QTGAL: variants seen among roughly 807,000 people sequenced by gnomAD.
QTGAL encodes queuosine-tRNA galactosyltransferase, also known as BGnT-like protein 1.
the QTGAL span, chr17:83,014,614 G>T: frequency 7.2e-7 from 1 of 1,379,398 alleles, no homozygotes; most frequent in Non-Finnish European, 1.0e-6. Context: ...GGAGTGCAAC[G>T]GCACAATCAT....
chr17:82,957,606 C>T, the QTGAL span: 4 of 1,377,902 alleles, frequency 2.9e-6, no homozygotes, highest in South Asian at 4.3e-5. Context: ...GGAGTGGACA[C>T]CTGGCCCAAT....
At chr17:82,946,822 GGAAAT>G in the QTGAL span, 2 of 1,351,442 alleles carry the variant, frequency 1.5e-6, no homozygotes, top group Non-Finnish European at 2.1e-6. Flanking sequence ...AGAATGAAAA[GGAAAT>G]GAAACATAAT....
At chr17:83,037,359 C>A in the QTGAL span, among the ~76,000 whole-genome samples, 1 of 152,226 alleles carries the variant, frequency 6.6e-6, no homozygotes, top group African/African-American at 2.4e-5. This position sits in a 1 kb window ranked among gnomAD's most constrained non-coding sequence, Gnocchi z 5.2. Flanking sequence ...ACCCTCTCTG[C>A]GTTCTCCAAC....
At chr17:83,019,453 G>T in the QTGAL span, among the ~76,000 whole-genome samples, 1 of 152,172 alleles carries the variant, frequency 6.6e-6, no homozygotes, top group African/African-American at 2.4e-5. Flanking sequence ...GTCATGAAAG[G>T]ACAAATATTG....
the QTGAL span, chr17:82,947,252 C>T: frequency 4.2e-6 from 2 of 471,524 alleles, no homozygotes; most frequent in Non-Finnish European, 7.6e-6. Flanking sequence ...CTGACTCTCC[C>T]TGGGGGCACT....
At chr17:82,989,627 T>C in the QTGAL span, among the ~76,000 whole-genome samples, 1 of 152,190 alleles carries the variant, frequency 6.6e-6, no homozygotes, top group African/African-American at 2.4e-5. Context: ...CTAAGGAAGT[T>C]TCAACGTTTT....
the QTGAL span, chr17:83,006,036 C>G: frequency 9.7e-7 from 1 of 1,027,074 alleles, no homozygotes; most frequent in Non-Finnish European, 1.2e-6. The surrounding 1 kb of genome is among the most constrained non-coding windows in gnomAD (Gnocchi z 5.8). Context: ...CCGTAGGAAA[C>G]AGCACCCACC....
the QTGAL span, chr17:82,978,574 G>T: frequency 6.6e-6 from 1 of 152,152 alleles, no homozygotes; most frequent in African/African-American, 2.4e-5. This position sits in a 1 kb window ranked among gnomAD's most constrained non-coding sequence, Gnocchi z 4.8. Context: ...CCGGATGCAG[G>T]TCTCATTTCC....
chr17:83,045,168 A>C, the QTGAL span, among the ~76,000 whole-genome samples: 37,170 of 152,140 alleles, frequency 0.24, 4,846 homozygotes, highest in East Asian at 0.39. Context: ...AAAATTAAGA[A>C]AACAATTCAC....
the QTGAL span, among the ~76,000 whole-genome samples, chr17:82,974,302 C>T: frequency 6.6e-6 from 1 of 152,330 alleles, no homozygotes. Context: ...TGACCCTGGA[C>T]ACTGTGCGTG....
At chr17:83,045,900 CG>C in the QTGAL span, among the ~76,000 whole-genome samples, 1 of 143,258 alleles carries the variant, frequency 7.0e-6, no homozygotes, top group African/African-American at 3.0e-5. Flanking sequence ...CAGCAGAGAT[CG>C]CGATCTCTGC....
At chr17:83,049,531 G>GC in the QTGAL span, among the ~76,000 whole-genome samples, 6 of 150,426 alleles carry the variant, frequency 4.0e-5, no homozygotes, top group Non-Finnish European at 7.4e-5. Flanking sequence ...TCCTGCCTCA[G>GC]CCTCCCGAGT....
At chr17:82,952,001 G>C in the QTGAL span, among the ~76,000 whole-genome samples, 11 of 152,200 alleles carry the variant, frequency 7.2e-5, no homozygotes, top group Non-Finnish European at 1.2e-4. Flanking sequence ...TGGGCGTGCT[G>C]CTGGAAGAGG....
chr17:82,997,733 C>T, the QTGAL span, among the ~76,000 whole-genome samples: 8 of 151,972 alleles, frequency 5.3e-5, no homozygotes, highest in Admixed American at 5.2e-4. Flanking sequence ...ATAGACGGCA[C>T]TGGGGGGTCA....
the QTGAL span, chr17:82,961,245 A>G: frequency 6.4e-7 from 1 of 1,561,652 alleles, no homozygotes; most frequent in South Asian, 1.2e-5. Context: ...CCCCGGATGC[A>G]CACTACACCT....
chr17:82,963,026 C>T, the QTGAL span, among the ~76,000 whole-genome samples: 1 of 152,276 alleles, frequency 6.6e-6, no homozygotes, highest in South Asian at 2.1e-4. Flanking sequence ...GTGGAGGACC[C>T]CTGGCGGGGC....
the QTGAL span, among the ~76,000 whole-genome samples, chr17:83,029,698 G>A: frequency 6.6e-6 from 1 of 152,162 alleles, no homozygotes; most frequent in Non-Finnish European, 1.5e-5. Context: ...GCGTCTGCAC[G>A]AATAACTCAC....
the QTGAL span, chr17:82,942,541 T>A: frequency 6.2e-7 from 1 of 1,600,354 alleles, no homozygotes; most frequent in South Asian, 1.1e-5. Flanking sequence ...GTGGAAAGCC[T>A]CGCACAGTGG....
chr17:83,028,627 GA>G, the QTGAL span, among the ~76,000 whole-genome samples: 1 of 151,988 alleles, frequency 6.6e-6, no homozygotes, highest in African/African-American at 2.4e-5. Flanking sequence ...CTAGAATCAT[GA>G]AAATTAAGGC....
Sources: allele counts gnomAD v4.1 joint callset (sites outside exome capture counted in the v4.1 genomes callset), GRCh38; gene constraint gnomAD v4.1.1; non-coding constraint Gnocchi (gnomAD v3.1); transcripts MANE v1.5; gene names NCBI Gene and HGNC (gene_info 2026-07-23, HGNC 2026-07-21).